Variants in RPS6KC1 observed in about 807,000 individuals in gnomAD.
RPS6KC1 encodes inactive ribosomal protein S6 kinase delta-1.
Under a neutral mutation model 103.8 loss-of-function variants are expected in RPS6KC1, and 54 were observed. The observed-to-expected ratio is 0.52, with a 90% confidence interval of 0.42 to 0.65. RPS6KC1 has a LOEUF of 0.65. Ranked by LOEUF, RPS6KC1 falls within the 30% of genes least tolerant of loss-of-function variation. RPS6KC1 has a pLI of 0.00. For missense variants in RPS6KC1, 1,151 were observed against 1,253.8 expected (o/e 0.92, Z 1.24); for synonymous variants, 439 against 438.7 (o/e 1.00, Z -0.01).
chr1:213,218,683 A>G (rs970042600), intron 8 of RPS6KC1, among the ~76,000 whole-genome samples: 1 of 152,192 alleles, frequency 6.6e-6, no homozygotes, highest in African/African-American at 2.4e-5. Context: ...ATATAGACCA[A>G]TGGAACAGAA....
At chr1:213,766,026 C>G in the RPS6KC1 span, among the ~76,000 whole-genome samples, 1 of 152,020 alleles carries the variant, frequency 6.6e-6, no homozygotes, top group Non-Finnish European at 1.5e-5. Flanking sequence ...GATTAGGAAG[C>G]TTGGGGGAAG....
chr1:213,534,647 G>C, the RPS6KC1 span, among the ~76,000 whole-genome samples: 1 of 152,176 alleles, frequency 6.6e-6, no homozygotes, highest in Non-Finnish European at 1.5e-5. Context: ...AATATGAACT[G>C]ATATGCTTCC....
the RPS6KC1 span, among the ~76,000 whole-genome samples, chr1:213,680,545 G>C: frequency 6.6e-6 from 1 of 152,122 alleles, no homozygotes; most frequent in African/African-American, 2.4e-5. Flanking sequence ...CACTGACCAG[G>C]GGACAGCTCA....
the RPS6KC1 span, among the ~76,000 whole-genome samples, chr1:213,616,817 G>T: frequency 6.6e-6 from 1 of 152,184 alleles, no homozygotes; most frequent in African/African-American, 2.4e-5. Flanking sequence ...AACTTCCAGA[G>T]GCTGAGGGCA....
intron 3 of RPS6KC1, among the ~76,000 whole-genome samples, chr1:213,085,781 TCA>T (rs2080341805): frequency 1.3e-5 from 2 of 152,222 alleles, no homozygotes; most frequent in Non-Finnish European, 1.5e-5. Context: ...TGATCTGGAC[TCA>T]CATATCTTTT....
the RPS6KC1 span, among the ~76,000 whole-genome samples, chr1:213,473,030 A>C: frequency 4.6e-5 from 7 of 152,156 alleles, no homozygotes; most frequent in African/African-American, 1.7e-4. Context: ...GCTTTGGGAG[A>C]TGTCTTCAGA....
At chr1:213,431,854 A>G in the RPS6KC1 span, among the ~76,000 whole-genome samples, 2 of 152,138 alleles carry the variant, frequency 1.3e-5, no homozygotes, top group South Asian at 2.1e-4. Flanking sequence ...GGGACTATCT[A>G]TGTTCAGATC....
chr1:213,157,629 C>G (rs2090044963), intron 6 of RPS6KC1, among the ~76,000 whole-genome samples: 1 of 152,178 alleles, frequency 6.6e-6, no homozygotes, highest in South Asian at 2.1e-4. Context: ...GGAGAATGTT[C>G]TGTGTGTGCT....
At chr1:213,471,231 T>A in the RPS6KC1 span, among the ~76,000 whole-genome samples, 1 of 152,196 alleles carries the variant, frequency 6.6e-6, no homozygotes, top group African/African-American at 2.4e-5. Flanking sequence ...TCTTTCTTTC[T>A]GGTATAACTA....
the RPS6KC1 span, among the ~76,000 whole-genome samples, chr1:213,784,949 C>T: frequency 6.6e-6 from 1 of 152,090 alleles, no homozygotes; most frequent in African/African-American, 2.4e-5. Context: ...GCAATAACTG[C>T]TGATCCCTGG....
At chr1:213,528,591 T>C in the RPS6KC1 span, among the ~76,000 whole-genome samples, 3 of 152,176 alleles carry the variant, frequency 2.0e-5, no homozygotes, top group East Asian at 5.8e-4. Flanking sequence ...TGGCCCCAAA[T>C]TGCAAAAATG....
chr1:213,110,772 C>T (rs534814892), intron 4 of RPS6KC1, among the ~76,000 whole-genome samples: 1 of 152,264 alleles, frequency 6.6e-6, no homozygotes, highest in African/African-American at 2.4e-5. Context: ...TCTCTGGTCT[C>T]TACACAGATG....
At chr1:213,316,106 T>G in the RPS6KC1 span, among the ~76,000 whole-genome samples, 1 of 152,176 alleles carries the variant, frequency 6.6e-6, no homozygotes, top group African/African-American at 2.4e-5. Flanking sequence ...GATGGGATCA[T>G]GGGGGCAGTT....
chr1:213,569,561 C>T, the RPS6KC1 span, among the ~76,000 whole-genome samples: 9 of 151,852 alleles, frequency 5.9e-5, no homozygotes, highest in African/African-American at 1.9e-4. Context: ...CTGTTATGCT[C>T]GGCAGCAAGC....
the RPS6KC1 span, among the ~76,000 whole-genome samples, chr1:213,533,439 T>C: frequency 1.3e-5 from 2 of 152,000 alleles, no homozygotes; most frequent in Admixed American, 1.3e-4. Context: ...GTGCTATTAT[T>C]TGTGGGTTCT....
chr1:213,659,957 C>T, the RPS6KC1 span, among the ~76,000 whole-genome samples: 2 of 152,224 alleles, frequency 1.3e-5, no homozygotes, highest in East Asian at 3.9e-4. Flanking sequence ...GGTCAGGTTG[C>T]AAAGGAGTCA....
chr1:213,160,919 G>A (rs892110770), intron 6 of RPS6KC1, among the ~76,000 whole-genome samples: 1 of 151,900 alleles, frequency 6.6e-6, no homozygotes, highest in Non-Finnish European at 1.5e-5. Context: ...AATGGGTGCA[G>A]CAAACCAACA....
the RPS6KC1 span, among the ~76,000 whole-genome samples, chr1:213,449,010 T>C: frequency 6.6e-6 from 1 of 152,182 alleles, no homozygotes; most frequent in African/African-American, 2.4e-5. Context: ...AGTTTCCTTA[T>C]ATAAACCATC....
chr1:213,279,464 T>TC (rs1158914902), downstream of RPS6KC1, among the ~76,000 whole-genome samples: 6 of 152,172 alleles, frequency 3.9e-5, no homozygotes. Context: ...ATACACTTTT[T>TC]CCCCCATTGG....
Sources: gnomAD v4.1 joint callset for allele counts (sites outside exome capture counted in the v4.1 genomes callset) on GRCh38, gnomAD v4.1.1 for gene constraint, MANE v1.5 for transcripts, NCBI Gene and HGNC (gene_info 2026-07-23, HGNC 2026-07-21) for gene names.